HOXC12: variants seen among roughly 807,000 people sequenced by gnomAD.
HOXC12 encodes the protein homeobox C12.
A neutral mutation model predicts 20.9 loss-of-function variants in HOXC12; 24 were observed. The ratio of observed to expected loss-of-function variants is 1.15; its 90% confidence interval spans 0.83 to 1.61. The LOEUF (loss-of-function observed/expected upper bound fraction) is 1.61. Ranked by LOEUF, HOXC12 falls within the 40% of genes most tolerant of loss-of-function variation. The probability of loss-of-function intolerance (pLI) is 0.00; values close to 1 mark genes in which losing one functional copy is unlikely to be tolerated. For synonymous variants in HOXC12, 202 were observed against 197.7 expected (o/e 1.02, Z -0.18); for missense variants, 436 against 406.9 (o/e 1.07, Z -0.62).
chr12:53,955,417 G>C lies in HOXC12; in HGVS notation c.488G>C (p.Cys163Ser). 2 of 1,510,386 alleles carry C rather than the reference G, an allele frequency of 1.3e-6. No individual in the cohort carries two copies. Among genetic ancestry groups the C allele is most frequent in the South Asian group, 2.5e-5 (2 of 81,144 alleles). 93.6% of individuals were successfully genotyped at this position (1,510,386 alleles called of 1,614,324 possible). The change falls in exon 1 of 2, where the codon TGC becomes TCC. Residue 163 changes from cysteine (C) to serine (S), a missense_variant. Cys to Ser is a moderately radical substitution (Grantham distance 112, BLOSUM62 -1). Transcript: ENST00000243103. The stretch of plus-strand genomic sequence containing the variant: ...GGACCTCCGCACGACCCGCCCTCCT[G>C]CCAGTCGCTGGAATCCGACTCCAGT... Reference protein sequence around the residue: ...GAGPPHDPPSCQSLESDSSSS... With the variant: ...GAGPPHDPPSSQSLESDSSSS...
At position 53,956,665 on chromosome 12, in the gene HOXC12, C is replaced by T. The variant is rs1938873301; in HGVS notation, c.*99C>T. 1.7e-5 allele frequency: 15 copies of T among 877,678 alleles called. No individual in the cohort carries two copies. Among genetic ancestry groups the T allele is most frequent in the Middle Eastern group, 3.3e-4 (1 of 2,986 alleles). 54.4% of individuals were successfully genotyped at this position (877,678 alleles called of 1,614,324 possible). A position where few individuals can be genotyped will look rare whatever the true frequency, so the allele number is the denominator to read the frequency against. ...CACAGTCCCCACTTAGAACGCCAGGCGTCTCTGGCAGGCCCTCCCTGGATA... is the reference window on the plus strand; with the variant it reads ...CACAGTCCCCACTTAGAACGCCAGGTGTCTCTGGCAGGCCCTCCCTGGATA... On this transcript the variant is annotated 3_prime_UTR_variant, in exon 2 of 2. Transcript: ENST00000243103.
chr12:53,956,664 G>A lies in HOXC12; in HGVS notation c.*98G>A. ...ACACAGTCCCCACTTAGAACGCCAG[G>A]CGTCTCTGGCAGGCCCTCCCTGGAT... On this transcript the variant is annotated 3_prime_UTR_variant, in exon 2 of 2. Coordinates refer to ENST00000243103, the MANE Select transcript of HOXC12 (RefSeq NM_173860.3). The A allele has an allele frequency of 2.3e-6, 2 of 880,212 alleles. No individual in the cohort carries two copies. Among genetic ancestry groups the A allele is most frequent in the East Asian group, 2.5e-5 (1 of 39,858 alleles). 54.5% of individuals were successfully genotyped at this position (880,212 alleles called of 1,614,324 possible).
chr12:53,955,424 G>C lies in HOXC12; in HGVS notation c.495G>C (p.Ser165=). 6.6e-7 allele frequency: 1 copy of C among 1,510,852 alleles called. No individual in the cohort carries two copies. The allele number at this position is 1,510,852 out of a possible 1,614,324, so 93.6% of individuals were successfully genotyped here. Residue 165 remains serine, a synonymous_variant, in exon 1 of 2, where the codon TCG becomes TCC. Transcript: ENST00000243103. ...GPPHDPPSCQ[S]LESDSSSSLL... ...CGCACGACCCGCCCTCCTGCCAGTC[G>C]CTGGAATCCGACTCCAGTTCGTCCC...
Position 53,955,108 on chromosome 12 carries a change from C to G in HOXC12, c.179C>G (p.Pro60Arg), listed in dbSNP as rs1481674499. 1 of 1,612,042 alleles carries G rather than the reference C, an allele frequency of 6.2e-7. No individual in the cohort carries two copies. The highest frequency in any genetic ancestry group is 8.5e-7 in the Non-Finnish European group (1 of 1,179,302). ...TCCCTGTCCTGGCCGTCGGCGGAGC[C>G]GTGCAATGGCTACCCGCAGCCCTAC... ...VCSLSWPSAE[P>R]CNGYPQPYLG... Residue 60 changes from proline (P) to arginine (R), a missense_variant, in exon 1 of 2, where the codon CCG (proline) becomes CGG (arginine). Physicochemically the swap from Pro to Arg is moderately radical, Grantham distance 103. Transcript: ENST00000243103.
Position 53,955,074 on chromosome 12 carries a change from A to C in HOXC12, c.145A>C (p.Asn49His). Residue 49 changes from asparagine to histidine, a missense_variant, in exon 1 of 2, where the codon AAC (asparagine) becomes CAC (histidine). Asn to His is a moderately conservative substitution (Grantham distance 68, BLOSUM62 1). Transcript: ENST00000243103. ...TTCGCTGTCCTACCCACGCCGCGACAACGTGTGCTCCCTGTCCTGGCCGTC... is the reference window on the plus strand; with the variant it reads ...TTCGCTGTCCTACCCACGCCGCGACCACGTGTGCTCCCTGTCCTGGCCGTC... ...LPSLSYPRRD[N>H]VCSLSWPSAE... The C allele has an allele frequency of 6.2e-7, 1 of 1,613,402 alleles. No homozygotes were observed. Among genetic ancestry groups the C allele is most frequent in the African/African-American group, 1.3e-5 (1 of 74,988 alleles).
At chr12:53,955,674 G>A (rs1312933055) in intron 1 of HOXC12, 135 bp downstream of exon 1, 22 of 1,029,574 alleles carry the variant, frequency 2.1e-5, no homozygotes, top group Non-Finnish European at 2.7e-5. Context: ...ATGAAGTGCG[G>A]GTGGGGGGAG....
At position 53,956,449 on chromosome 12, in the gene HOXC12, G is replaced by C. The variant is rs1341087835; in HGVS notation, c.732G>C (p.Arg244=). 3 of 1,614,102 alleles carry C rather than the reference G, an allele frequency of 1.9e-6. No individual in the cohort carries two copies. Among genetic ancestry groups the C allele is most frequent in the Non-Finnish European group, 2.5e-6 (3 of 1,180,030 alleles). The part of the protein sequence containing the change: ...LVNEFITRQR[R]RELSDRLNLS... ...ACGAGTTCATCACACGCCAGCGCCG[G>C]AGGGAACTCTCAGACCGCTTGAATC... Residue 244 remains arginine, a synonymous_variant, in exon 2 of 2, where the codon CGG becomes CGC. Transcript: ENST00000243103.
At chr12:53,955,801 G>C (rs1938857379) in intron 1 of HOXC12, among the ~76,000 whole-genome samples, 1 of 152,128 alleles carries the variant, frequency 6.6e-6, no homozygotes, top group Admixed American at 6.5e-5. Context: ...GACTCCCCAG[G>C]CCTGGGGGTG....
rs1160088665 is a variant in HOXC12 at position 53,956,383 on chromosome 12, G to A, written c.666G>A (p.Ser222=). The A allele has an allele frequency of 6.2e-7, 1 of 1,612,130 alleles. No individual in the cohort carries two copies. The highest frequency in any genetic ancestry group is 2.2e-5 in the East Asian group (1 of 44,850). The change falls in exon 2 of 2, where the codon TCG becomes TCA. Residue 222 remains serine (S), a synonymous_variant. Coordinates refer to ENST00000243103, the MANE Select transcript of HOXC12 (RefSeq NM_173860.3). ...CTCGGAAGAAGCGCAAGCCCTATTC[G>A]AAGTTGCAACTGGCAGAGCTGGAGG... The part of the protein sequence containing the change: ...SRSRKKRKPY[S]KLQLAELEGE...
At chr12:53,956,279 G>C in intron 1 of HOXC12, 49 bp from the exon 2 acceptor site, 1 of 1,476,840 alleles carries the variant, frequency 6.8e-7, no homozygotes, top group Non-Finnish European at 9.2e-7. Context: ...GCACTGGACT[G>C]GTCACCCTTT....
rs1431116666 is a variant in HOXC12, at chr12:53,955,014, T to C, written c.85T>C (p.Phe29Leu). The change falls in exon 1 of 2, where the codon TTC (phenylalanine) becomes CTC (leucine). Residue 29 changes from phenylalanine (F) to leucine (L), a missense_variant. Phe to Leu is a conservative substitution (Grantham distance 22). Coordinates refer to ENST00000243103, the MANE Select transcript of HOXC12 (RefSeq NM_173860.3). ...HTGDTFYFPNFRASGAQLPGL... is the reference protein window; with the variant it reads ...HTGDTFYFPNLRASGAQLPGL... ...GGGAGACACCTTCTACTTCCCCAAC[T>C]TCCGCGCGTCCGGGGCGCAGCTTCC... 1.9e-6 allele frequency: 3 copies of C among 1,614,206 alleles called. No individual in the cohort carries two copies. The Admixed American group carries it at 5.0e-5, about 27-fold the overall frequency.
intron 1 of HOXC12, 149 bp downstream of exon 1, chr12:53,955,688 A>G: frequency 1.1e-6 from 1 of 934,434 alleles, no homozygotes; most frequent in South Asian, 3.7e-5. Context: ...GGGGGAGCCT[A>G]TAAACATGTA....
rs761910644 is a variant in HOXC12 at position 53,955,200 on chromosome 12, G to A, written c.271G>A (p.Gly91Ser). 8.7e-5 allele frequency: 140 copies of A among 1,609,782 alleles called. No homozygotes were observed. The highest frequency in any genetic ancestry group is 3.3e-4 in the Middle Eastern group (2 of 5,994). The change falls in exon 1 of 2, where the codon GGC becomes AGC. Residue 91 changes from glycine to serine, a missense_variant. Gly to Ser is a moderately conservative substitution (Grantham distance 56). Coordinates refer to ENST00000243103, the MANE Select transcript of HOXC12 (RefSeq NM_173860.3). ...GTGCGAGCTGGCGCGCGTGGAGGAC[G>A]GCAAGGGTTACTACCGCGAGCCGTG... ...RTCELARVED[G>S]KGYYREPCAE...
Position 53,956,471 on chromosome 12 carries a change from A to T in HOXC12, c.754A>T (p.Asn252Tyr). ...QRRRELSDRL[N>Y]LSDQQVKIWF... ...CCGGAGGGAACTCTCAGACCGCTTG[A>T]ATCTTAGTGACCAGCAGGTCAAGAT... Residue 252 changes from asparagine to tyrosine, a missense_variant, in exon 2 of 2, where the codon AAT becomes TAT. Coordinates refer to ENST00000243103, the MANE Select transcript of HOXC12 (RefSeq NM_173860.3). 1.2e-6 allele frequency: 2 copies of T among 1,614,230 alleles called. No individual in the cohort carries two copies. Among genetic ancestry groups the T allele is most frequent in the Non-Finnish European group, 1.7e-6 (2 of 1,180,040 alleles).
rs1276958419 is a variant in HOXC12, at chr12:53,956,321, C to T, written c.611-7C>T. ...TTGGCCAACCCCTGCCATTCATCTCCACCCAGGCGCGCCCTGGTACCCGAT... is the reference window on the plus strand; with the variant it reads ...TTGGCCAACCCCTGCCATTCATCTCTACCCAGGCGCGCCCTGGTACCCGAT... On this transcript the variant is annotated splice_polypyrimidine_tract_variant and splice_region_variant and intron_variant, in intron 1 of 1. Transcript: ENST00000243103. 1 of 1,577,080 alleles carries T rather than the reference C, an allele frequency of 6.3e-7. No homozygotes were observed. The highest frequency in any genetic ancestry group is 2.2e-5 in the East Asian group (1 of 44,588).
At chr12:53,955,579 A>G in intron 1 of HOXC12, 40 bp downstream of exon 1, 1 of 1,380,434 alleles carries the variant, frequency 7.2e-7, no homozygotes. Context: ...TTCAAACCCG[A>G]CCTCTTACCA....
intron 1 of HOXC12, among the ~76,000 whole-genome samples, chr12:53,956,058 G>C (rs1445483741): frequency 6.6e-6 from 1 of 152,140 alleles, no homozygotes. Flanking sequence ...GGACTTAGAA[G>C]GGTCATGAAT....
At position 53,957,585 on chromosome 12, in the gene HOXC12, T is replaced by A. The variant is rs1822436; in HGVS notation, c.*1019T>A. On this transcript the variant is annotated 3_prime_UTR_variant, in exon 2 of 2. Transcript: ENST00000243103. Reference sequence around the variant, plus strand: ...CTTCCCCGCTGGCGTTCACGGTCACTGCCTCACGGGCCGGCCAGAGGGTGG... The same window carrying A: ...CTTCCCCGCTGGCGTTCACGGTCACAGCCTCACGGGCCGGCCAGAGGGTGG... 3.3e-5 allele frequency: 5 copies of A among 151,472 alleles called. No homozygotes were observed. Among genetic ancestry groups the A allele is most frequent in the African/African-American group, 7.3e-5 (3 of 40,868 alleles). 9.4% of individuals were successfully genotyped at this position (151,472 alleles called of 1,614,324 possible).
chr12:53,956,550 C>T lies in HOXC12; in HGVS notation c.833C>T (p.Ala278Val), dbSNP rs149417796. The T allele has an allele frequency of 5.6e-6, 9 of 1,611,472 alleles. No individual in the cohort carries two copies. Among genetic ancestry groups the T allele is most frequent in the Admixed American group, 3.4e-5 (2 of 59,532 alleles). The change falls in exon 2 of 2, where the codon GCT becomes GTT. Residue 278 changes from alanine to valine, a missense_variant. Coordinates refer to ENST00000243103, the MANE Select transcript of HOXC12 (RefSeq NM_173860.3). ...KKKRLLLREQ[A>V]LSFF ...AAAAGACTTCTGTTGAGGGAGCAAG[C>T]TCTCTCCTTCTTTTAAGGTGCAGGA...
Sources: gnomAD v4.1 joint callset for allele counts (sites outside exome capture counted in the v4.1 genomes callset) on GRCh38, gnomAD v4.1.1 for gene constraint, MANE v1.5 for transcripts, NCBI Gene and HGNC (gene_info 2026-07-23, HGNC 2026-07-21) for gene names.